PRUNE2: variants seen among roughly 807,000 people sequenced by gnomAD.
PRUNE2 encodes prune homolog 2 with BCH domain, also known as protein prune homolog 2.
A neutral mutation model predicts 252.0 loss-of-function variants in PRUNE2; 164 were observed. The ratio of observed to expected loss-of-function variants is 0.65; its 90% CI spans 0.57 to 0.74. PRUNE2 has a LOEUF of 0.74. Among genes scored for constraint, PRUNE2 ranks in the 30% least tolerant of loss-of-function variants. The pLI, the probability that PRUNE2 is intolerant of heterozygous loss-of-function variation, is 0.00. For missense variants in PRUNE2, 3,495 were observed against 3,711.0 expected (o/e 0.94, Z 1.51); for synonymous variants, 1,292 against 1,350.2 (o/e 0.96, Z 0.94).
chr9:76,874,864 T>C (rs775373908), intron 1 of PRUNE2, among the ~76,000 whole-genome samples: 3 of 152,198 alleles, frequency 2.0e-5, no homozygotes, highest in Non-Finnish European at 4.4e-5. Context: ...GGTAGTGCTG[T>C]AGTGCAGGGG....
chr9:76,708,156 T>G lies in PRUNE2; in HGVS notation c.4118A>C (p.His1373Pro). The G allele has an allele frequency of 6.2e-7, 1 of 1,614,042 alleles. No individual in the cohort carries two copies. Among genetic ancestry groups the G allele is most frequent in the Non-Finnish European group, 8.5e-7 (1 of 1,179,904 alleles). Residue 1373 changes from histidine to proline, a missense_variant, in exon 8 of 19, where the codon CAT (histidine) becomes CCT (proline). Transcript: ENST00000376718. ...GCCTGATTTAATGCAGATTTCCTGATGTTCAGATGCAACCAGAGAAGACAG... is the reference window on the plus strand; with the variant it reads ...GCCTGATTTAATGCAGATTTCCTGAGGTTCAGATGCAACCAGAGAAGACAG... ...QELSSLVASE[H>P]QEICIKSGKI... is the part of the protein sequence containing the mutation.
chr9:76,653,347 A>G (rs1233709885), intron 10 of PRUNE2, among the ~76,000 whole-genome samples: 1 of 152,180 alleles, frequency 6.6e-6, no homozygotes, highest in Non-Finnish European at 1.5e-5. Context: ...CAAGTCCCTA[A>G]TATAAAATGG....
At chr9:76,728,549 G>A (rs1321663684) in intron 6 of PRUNE2, among the ~76,000 whole-genome samples, 3 of 152,196 alleles carry the variant, frequency 2.0e-5, no homozygotes, top group African/African-American at 4.8e-5. Flanking sequence ...TTCTACATCA[G>A]TGATTCTAGT....
chr9:76,903,707 C>A (rs2063316715), intron 1 of PRUNE2, among the ~76,000 whole-genome samples: 1 of 152,122 alleles, frequency 6.6e-6, no homozygotes, highest in South Asian at 2.1e-4. Flanking sequence ...CCTGCCTCTG[C>A]CCCCCTAGTA....
intron 4 of PRUNE2, among the ~76,000 whole-genome samples, chr9:76,837,582 G>A (rs1351162540): frequency 6.6e-6 from 1 of 151,510 alleles, no homozygotes; most frequent in Non-Finnish European, 1.5e-5. Context: ...GGATAGAGCA[G>A]GGGTATTTCT....
intron 1 of PRUNE2, among the ~76,000 whole-genome samples, chr9:76,879,964 A>G (rs2061684487): frequency 8.6e-6 from 1 of 116,138 alleles, no homozygotes; most frequent in Non-Finnish European, 1.6e-5. Context: ...CCCAGGCTGG[A>G]GTGCAGTGGT....
At chr9:76,808,626 T>A (rs1323205474) in intron 6 of PRUNE2, 1 of 152,312 alleles carries the variant, frequency 6.6e-6, no homozygotes, top group African/African-American at 2.4e-5. Context: ...TGTCAGAAGA[T>A]CCTCATCCTG....
At chr9:76,829,247 T>C (rs892688790) in intron 4 of PRUNE2, among the ~76,000 whole-genome samples, 26 of 152,092 alleles carry the variant, frequency 1.7e-4, no homozygotes, top group Admixed American at 1.7e-3. Context: ...GAGCCCAACA[T>C]TTGGTGTTGC....
chr9:76,631,236 A>G (rs1162842112), intron 15 of PRUNE2, among the ~76,000 whole-genome samples: 1 of 152,206 alleles, frequency 6.6e-6, no homozygotes, highest in Non-Finnish European at 1.5e-5. Flanking sequence ...TGAGAGGGAA[A>G]AGAAGTCATG....
intron 15 of PRUNE2, among the ~76,000 whole-genome samples, chr9:76,629,774 G>C (rs977949964): frequency 6.6e-6 from 1 of 151,924 alleles, no homozygotes; most frequent in Non-Finnish European, 1.5e-5. Flanking sequence ...CCCAGCTTCT[G>C]GTAACCACCA....
intron 5 of PRUNE2, 91 bp downstream of exon 5, chr9:76,826,489 A>G: frequency 1.0e-6 from 1 of 973,010 alleles, no homozygotes; most frequent in Non-Finnish European, 1.5e-6. Context: ...AAACAAAGAA[A>G]CAAATATACC....
intron 6 of PRUNE2, chr9:76,819,493 T>C (rs747564637): frequency 2.0e-5 from 3 of 152,180 alleles, no homozygotes; most frequent in Non-Finnish European, 4.4e-5. Context: ...AAGGAACTTA[T>C]CCTACCAACG....
chr9:76,625,936 C>T (rs1834510105), intron 16 of PRUNE2, among the ~76,000 whole-genome samples: 1 of 152,060 alleles, frequency 6.6e-6, no homozygotes, highest in African/African-American at 2.4e-5. Context: ...TGCAGGAAAG[C>T]TGTGATGTGC....
chr9:76,890,238 A>G (rs932722812), intron 1 of PRUNE2, among the ~76,000 whole-genome samples: 11 of 152,332 alleles, frequency 7.2e-5, no homozygotes, highest in Non-Finnish European at 1.5e-4. Context: ...GTCAAATAAC[A>G]TATGTAGCTG....
Position 76,704,892 on chromosome 9 carries a change from C to G in PRUNE2, c.7382G>C (p.Arg2461Pro), listed in dbSNP as rs749929824. The G allele has an allele frequency of 1.1e-5, 18 of 1,609,716 alleles. No homozygotes were observed. The highest frequency in any genetic ancestry group is 1.5e-5 in the Non-Finnish European group (18 of 1,177,768). Residue 2461 changes from arginine (R) to proline (P), a missense_variant, in exon 8 of 19, where the codon CGT becomes CCT. Arg to Pro is a moderately radical substitution (Grantham distance 103, BLOSUM62 -2). Transcript: ENST00000376718. ...PGSQLAVLHI[R>P]EDPESVYLPV... ...CAAATAAACGGACTCAGGGTCTTCACGAATATGCAGCACAGCCAGCTGGGA... is the reference window on the plus strand; with the variant it reads ...CAAATAAACGGACTCAGGGTCTTCAGGAATATGCAGCACAGCCAGCTGGGA...
At chr9:76,764,970 CA>C in intron 6 of PRUNE2, among the ~76,000 whole-genome samples, 1 of 152,124 alleles carries the variant, frequency 6.6e-6, no homozygotes. Context: ...AAGAATGATG[CA>C]GAGCAGATTT....
At chr9:76,902,038 G>C (rs969860053) in intron 1 of PRUNE2, among the ~76,000 whole-genome samples, 5 of 152,128 alleles carry the variant, frequency 3.3e-5, no homozygotes, top group African/African-American at 9.7e-5. Flanking sequence ...GCATCACCTG[G>C]GGGGGTCTGG....
At chr9:76,891,200 T>C (rs2062452489) in intron 1 of PRUNE2, among the ~76,000 whole-genome samples, 1 of 152,170 alleles carries the variant, frequency 6.6e-6, no homozygotes, top group South Asian at 2.1e-4. Context: ...ATGAATATGA[T>C]CCAAATGAAG....
chr9:76,790,185 T>C (rs770471401), intron 6 of PRUNE2, among the ~76,000 whole-genome samples: 1 of 152,198 alleles, frequency 6.6e-6, no homozygotes, highest in Non-Finnish European at 1.5e-5. Flanking sequence ...GCAGGTTTAC[T>C]AGAAGGCGGT....
Sources: gnomAD v4.1 joint callset for allele counts (sites outside exome capture counted in the v4.1 genomes callset) on GRCh38, gnomAD v4.1.1 for gene constraint, MANE v1.5 for transcripts, NCBI Gene and HGNC (gene_info 2026-07-23, HGNC 2026-07-21) for gene names.